The following THUMPD1 variants were observed in gnomAD, a reference collection of about 807,000 sequenced individuals.
The protein encoded by THUMPD1 is THUMP domain-containing protein 1.
A neutral mutation model predicts 31.6 loss-of-function variants in THUMPD1; 31 were observed. The observed-to-expected ratio is 0.98, with a 90% confidence interval of 0.74 to 1.32. The LOEUF is 1.32. THUMPD1 is among the 40% of genes most tolerant of loss of function. The pLI, the probability that THUMPD1 is intolerant of heterozygous loss-of-function variation, is 0.00. For synonymous variants in THUMPD1, 166 were observed against 158.2 expected, an observed-to-expected ratio of 1.05 and a Z score of -0.37; for missense variants, 446 against 427.8, an observed-to-expected ratio of 1.04 and a Z score of -0.38.
At chr16:20,738,869 C>A in intron 2 of THUMPD1, 28 bp downstream of exon 2, 3 of 1,609,510 alleles carry the variant, frequency 1.9e-6, no homozygotes, top group Non-Finnish European at 2.5e-6. Flanking sequence ...GTTATGAGAT[C>A]GATAATCTTA....
rs1224168106 is a variant in THUMPD1 at position 20,739,014 on chromosome 16, C to T, written c.289G>A (p.Ala97Thr). The change falls in exon 2 of 4, where the codon GCT becomes ACT. Residue 97 changes from alanine (A) to threonine (T), a missense_variant. Coordinates refer to ENST00000396083, the MANE Select transcript of THUMPD1 (RefSeq NM_017736.5). Reference protein sequence around the residue: ...GSEGEDDDAEAALKKEVGDIK... With the variant: ...GSEGEDDDAETALKKEVGDIK... ...TCACCAACTTCTTTCTTCAAGGCAGCCTCCGCATCATCATCCTCTCCCTCA... is the reference window on the plus strand; with the variant it reads ...TCACCAACTTCTTTCTTCAAGGCAGTCTCCGCATCATCATCCTCTCCCTCA... 8.7e-6 allele frequency: 14 copies of T among 1,614,188 alleles called. No homozygotes were observed. Among genetic ancestry groups the T allele is most frequent in the Non-Finnish European group, 1.1e-5 (13 of 1,180,022 alleles).
rs954178498 is a variant in THUMPD1 at position 20,736,645 on chromosome 16, T to C, written c.*235A>G. 41 of 482,366 alleles carry C rather than the reference T, an allele frequency of 8.5e-5. No individual in the cohort carries two copies. The highest frequency in any genetic ancestry group is 7.7e-4 in the African/African-American group (40 of 52,214). The allele number at this position is 482,366 out of a possible 1,614,324, so 29.9% of individuals were successfully genotyped here. ...GGGAGAGGCCAACATCCCCCTCCTA[T>C]CCTCCCCTCTTTGCAACAGCAGCAC... On this transcript the variant is annotated 3_prime_UTR_variant, in exon 4 of 4. Transcript: ENST00000396083.
intron 2 of THUMPD1, 169 bp downstream of exon 2, chr16:20,738,728 C>T: frequency 1.4e-6 from 1 of 707,864 alleles, no homozygotes; most frequent in Non-Finnish European, 2.4e-6. Context: ...CTACGTCCAC[C>T]ACCCCATTCT....
At chr16:20,738,690 A>C (rs1271422949) in intron 2 of THUMPD1, 4 of 574,278 alleles carry the variant, frequency 7.0e-6, no homozygotes, top group Admixed American at 3.2e-5. Flanking sequence ...GGAAGCAGCA[A>C]AGCCAGGTTT....
chr16:20,741,481 G>GGGGGGGCC, intron 1 of THUMPD1, 28 bp downstream of exon 1: 3 of 1,308,410 alleles, frequency 2.3e-6, no homozygotes, highest in Non-Finnish European at 3.0e-6. Context: ...CTGGCAGCCG[G>GGGGGGGCC]CCCGCCCGCC....
chr16:20,738,037 T>C, intron 2 of THUMPD1, 81 bp from the exon 3 acceptor site: 1 of 1,223,996 alleles, frequency 8.2e-7, no homozygotes, highest in South Asian at 1.4e-5. Flanking sequence ...TCACTGGCAA[T>C]GACATAAGTT....
chr16:20,741,806 G>A lies in THUMPD1; in HGVS notation c.-67C>T. 1.3e-6 allele frequency: 2 copies of A among 1,543,494 alleles called. No individual in the cohort carries two copies. The highest frequency in any genetic ancestry group is 1.7e-6 in the Non-Finnish European group (2 of 1,146,846). On this transcript the variant is annotated 5_prime_UTR_variant, in exon 1 of 4. Transcript: ENST00000396083. ...GCTGTTGGCGTCCTCGTCTATCGCC[G>A]GCGCGAACTGGTGACGTCGGATATG... is the stretch of plus-strand genomic sequence containing the variant.
At chr16:20,741,481 G>GGGGGGGGGGGGCCCCCCCCCCCCCC in intron 1 of THUMPD1, 28 bp downstream of exon 1, 3 of 1,308,410 alleles carry the variant, frequency 2.3e-6, no homozygotes, top group Non-Finnish European at 3.0e-6. Context: ...CTGGCAGCCG[G>GGGGGGGGGGGGCCCCCCCCCCCCCC]CCCGCCCGCC....
At position 20,736,792 on chromosome 16, in the gene THUMPD1, C is replaced by CT. The variant is rs1330057142; in HGVS notation, c.*87dup. Reference sequence around the variant, plus strand: ...CATAATGCAGCACACAAATAAAAAACTGTTTTTAGTCACAATTTAAGGTGG... The same window carrying CT: ...CATAATGCAGCACACAAATAAAAAACTTGTTTTTAGTCACAATTTAAGGTGG... On this transcript the variant is annotated 3_prime_UTR_variant, in exon 4 of 4. Coordinates refer to ENST00000396083, the MANE Select transcript of THUMPD1 (RefSeq NM_017736.5). 3 of 1,341,144 alleles carry CT rather than the reference C, an allele frequency of 2.2e-6. No homozygotes were observed. The East Asian group carries it at 6.9e-5, about 31-fold the overall frequency. 83.1% of individuals were successfully genotyped at this position (1,341,144 alleles called of 1,614,324 possible).
At position 20,739,157 on chromosome 16, in the gene THUMPD1, G is replaced by A. The variant is rs1471366778; in HGVS notation, c.232-86C>T. The A allele has an allele frequency of 4.4e-6, 6 of 1,377,332 alleles. No individual in the cohort carries two copies. The East Asian group carries it at 1.2e-4, about 28-fold the overall frequency. The allele number at this position is 1,377,332 out of a possible 1,614,324, so 85.3% of individuals were successfully genotyped here. On this transcript the variant is annotated intron_variant, in intron 1 of 3. Coordinates refer to ENST00000396083, the MANE Select transcript of THUMPD1 (RefSeq NM_017736.5). ...TAATTATTTATGTGAAGTCCCTGGC[G>A]GCAGGTGGCTCAGTATTGATTTTTT...
rs777257224 is a variant in THUMPD1 at position 20,741,527 on chromosome 16, G to A, written c.213C>T (p.Asp71=). The A allele has an allele frequency of 2.4e-6, 3 of 1,242,676 alleles. No individual in the cohort carries two copies. The highest frequency in any genetic ancestry group is 2.5e-5 in the South Asian group (2 of 80,510). 77.0% of individuals were successfully genotyped at this position (1,242,676 alleles called of 1,614,324 possible). ...AYSLLNEYGD[D]MYGPEKFTDK... ...CCGGTACCTTTTCTGGCCCATACAT[G>A]TCGTCGCCGTATTCGTTGAGGAGGC... Residue 71 remains aspartate (D), a synonymous_variant, in exon 1 of 4, where the codon GAC becomes GAT. Coordinates refer to ENST00000396083, the MANE Select transcript of THUMPD1 (RefSeq NM_017736.5).
intron 1 of THUMPD1, among the ~76,000 whole-genome samples, chr16:20,739,991 T>C (rs2152420720): frequency 6.6e-6 from 1 of 152,356 alleles, no homozygotes; most frequent in South Asian, 2.1e-4. Flanking sequence ...ACCAGGTATC[T>C]GTGTGCCTCA....
Position 20,741,598 on chromosome 16 carries a change from T to A in THUMPD1, c.142A>T (p.Ile48Phe). The change falls in exon 1 of 4, where the codon ATC (isoleucine) becomes TTC (phenylalanine). Residue 48 changes from isoleucine (I) to phenylalanine (F), a missense_variant. Transcript: ENST00000396083. Reference sequence around the variant, plus strand: ...TTGCGCTCGTTCATATTGCAGGTGATGAGGATGCCCTGTAGCCCGGGCTCT... The same window carrying A: ...TTGCGCTCGTTCATATTGCAGGTGAAGAGGATGCCCTGTAGCCCGGGCTCT... ...QLEPGLQGIL[I>F]TCNMNERKCV... The A allele has an allele frequency of 6.3e-7, 1 of 1,575,056 alleles. No individual in the cohort carries two copies.
rs1228698055 is a variant in THUMPD1 at position 20,735,843 on chromosome 16, T to A, written c.*1037A>T. 1 of 152,204 alleles carries A rather than the reference T, an allele frequency of 6.6e-6. No individual in the cohort carries two copies. Among genetic ancestry groups the A allele is most frequent in the Non-Finnish European group, 1.5e-5 (1 of 68,036 alleles). 9.4% of individuals were successfully genotyped at this position (152,204 alleles called of 1,614,324 possible). ...TATGACATATCATCAGTAAATCAACTTATTGAGAATAAAGTCTCTTCAACT... is the reference window on the plus strand; with the variant it reads ...TATGACATATCATCAGTAAATCAACATATTGAGAATAAAGTCTCTTCAACT... On this transcript the variant is annotated 3_prime_UTR_variant, in exon 4 of 4. Transcript: ENST00000396083.
chr16:20,741,481 G>GGGGGGGGGCGCCCCCCCCCC, intron 1 of THUMPD1, 28 bp downstream of exon 1: 1 of 1,308,414 alleles, frequency 7.6e-7, no homozygotes, highest in Non-Finnish European at 9.9e-7. Flanking sequence ...CTGGCAGCCG[G>GGGGGGGGGCGCCCCCCCCCC]CCCGCCCGCC....
At position 20,734,719 on chromosome 16, in the gene THUMPD1, G is replaced by A. The variant is rs2079854483; in HGVS notation, c.*2161C>T. ...TTTCAATTGTTTTACCCAAAAAGAG[G>A]CCTTGAAAAAACTTTCAAATTCAGG... is the stretch of plus-strand genomic sequence containing the variant. On this transcript the variant is annotated 3_prime_UTR_variant, in exon 4 of 4. Transcript: ENST00000396083. The A allele has an allele frequency of 1.3e-5, 2 of 152,160 alleles. No homozygotes were observed. The highest frequency in any genetic ancestry group is 4.8e-5 in the African/African-American group (2 of 41,438). The allele number at this position is 152,160 out of a possible 1,614,324, so 9.4% of individuals were successfully genotyped here. A position where few individuals can be genotyped will look rare whatever the true frequency, so the allele number is the denominator to read the frequency against.
Position 20,741,709 on chromosome 16 carries a change from G to A in THUMPD1, c.31C>T (p.Pro11Ser). 1 of 1,577,792 alleles carries A rather than the reference G, an allele frequency of 6.3e-7. No homozygotes were observed. The highest frequency in any genetic ancestry group is 8.6e-7 in the Non-Finnish European group (1 of 1,161,620). Residue 11 changes from proline to serine, a missense_variant, in exon 1 of 4, where the codon CCT (proline) becomes TCT (serine). Transcript: ENST00000396083. ...TTGCCTTTGCGCTTCCCGCCGCCAG[G>A]CTGAGTAGTCTGCTGGGCAGGGGCC... MAAPAQQTTQ[P>S]GGGKRKGKAQ...
At position 20,737,302 on chromosome 16, in the gene THUMPD1, A is replaced by T; in HGVS notation, c.656-16T>A. On this transcript the variant is annotated splice_polypyrimidine_tract_variant and intron_variant, in intron 3 of 3. Transcript: ENST00000396083. ...CACACTATTCCTGTAACAAAAACAG[A>T]AAAACACATAGCTGAGGAGGATACC... 1 of 1,592,634 alleles carries T rather than the reference A, an allele frequency of 6.3e-7. No individual in the cohort carries two copies. Among genetic ancestry groups the T allele is most frequent in the Non-Finnish European group, 8.6e-7 (1 of 1,169,416 alleles).
Position 20,736,777 on chromosome 16 carries a change from C to T in THUMPD1, c.*103G>A. 1 of 1,164,722 alleles carries T rather than the reference C, an allele frequency of 8.6e-7. No homozygotes were observed. Among genetic ancestry groups the T allele is most frequent in the Non-Finnish European group, 1.2e-6 (1 of 820,596 alleles). The allele number at this position is 1,164,722 out of a possible 1,614,324, so 72.1% of individuals were successfully genotyped here. On this transcript the variant is annotated 3_prime_UTR_variant, in exon 4 of 4. Coordinates refer to ENST00000396083, the MANE Select transcript of THUMPD1 (RefSeq NM_017736.5). ...CTACTGTGAGAACAGCATAATGCAG[C>T]ACACAAATAAAAAACTGTTTTTAGT...
Sources: gnomAD v4.1 joint callset for allele counts (sites outside exome capture counted in the v4.1 genomes callset) on GRCh38, gnomAD v4.1.1 for gene constraint, MANE v1.5 for transcripts, NCBI Gene and HGNC (gene_info 2026-07-23, HGNC 2026-07-21) for gene names.